SORBS2: variants seen among roughly 807,000 people sequenced by gnomAD.
SORBS2 encodes the protein sorbin and SH3 domain-containing protein 2.
Under a neutral mutation model 97.7 loss-of-function variants are expected in SORBS2, and 46 were observed. That is an observed-to-expected ratio of 0.47 (90% CI 0.37 to 0.60). The LOEUF (loss-of-function observed/expected upper bound fraction) is 0.60. SORBS2 is among the 20% of genes least tolerant of loss of function. The probability of loss-of-function intolerance (pLI) is 0.00; values close to 1 mark genes in which losing one functional copy is unlikely to be tolerated. For missense variants in SORBS2, 1,316 were observed against 1,282.3 expected, an observed-to-expected ratio of 1.03 and a Z score of -0.40; for synonymous variants, 476 against 473.4, an observed-to-expected ratio of 1.01 and a Z score of -0.07.
intron 2 of SORBS2, chr4:185,690,597 A>G: frequency 6.7e-7 from 1 of 1,495,080 alleles, no homozygotes; most frequent in Non-Finnish European, 9.1e-7. Flanking sequence ...TTTGTTATTA[A>G]AGTCTTCAGT....
intron 2 of SORBS2, among the ~76,000 whole-genome samples, chr4:185,730,076 C>T (rs1201654782): frequency 1.3e-5 from 2 of 152,126 alleles, no homozygotes. Context: ...CCTCAGCCTC[C>T]CGAGTAGCTG....
chr4:185,891,254 A>T (rs1469050251), intron 1 of SORBS2, among the ~76,000 whole-genome samples: 1 of 152,222 alleles, frequency 6.6e-6, no homozygotes. Context: ...CTTTGCAAAA[A>T]TAGTAACAGT....
At chr4:185,745,491 G>A (rs1185174125) in intron 2 of SORBS2, among the ~76,000 whole-genome samples, 3 of 152,146 alleles carry the variant, frequency 2.0e-5, no homozygotes, top group Non-Finnish European at 2.9e-5. Flanking sequence ...GCCACAGTGG[G>A]CTCCTTCCAA....
intron 2 of SORBS2, among the ~76,000 whole-genome samples, chr4:185,731,989 T>C (rs2098644280): frequency 6.7e-6 from 1 of 150,276 alleles, no homozygotes; most frequent in African/African-American, 2.5e-5. Context: ...AAAATTATTA[T>C]TGTAACTTGT....
At chr4:185,955,444 A>T (rs2099279090) in intron 1 of SORBS2, among the ~76,000 whole-genome samples, 1 of 152,208 alleles carries the variant, frequency 6.6e-6, no homozygotes, top group African/African-American at 2.4e-5. Context: ...CTTCTAACAG[A>T]TAATTGATGG....
intron 1 of SORBS2, among the ~76,000 whole-genome samples, chr4:185,859,205 C>T (rs1018224781): frequency 6.6e-6 from 1 of 152,116 alleles, no homozygotes; most frequent in African/African-American, 2.4e-5. Flanking sequence ...TTATTTCAGT[C>T]GGAAAACTTG....
intron 2 of SORBS2, chr4:185,773,554 C>T (rs1189312848): frequency 1.5e-5 from 2 of 132,428 alleles, no homozygotes; most frequent in African/African-American, 2.9e-5. Flanking sequence ...TTGCGTTTGT[C>T]CTTCTTAGCA....
chr4:185,874,866 T>TTTTTTTTTTTTTTTTGC lies in SORBS2; in HGVS notation c.-338+81329_-338+81330insGCAAAAAAAAAAAAAAA, dbSNP rs775209042. Among the ~76,000 whole-genome samples the TTTTTTTTTTTTTTTTGC allele has an allele frequency of 3.9e-4, 44 of 113,522 alleles. 1 individual carries two copies. The East Asian group carries it at 4.3e-3, about 11-fold the overall frequency. The allele number at this position is 113,522 out of a possible 152,430, so 74.5% of individuals were successfully genotyped here. A position where few individuals can be genotyped will look rare whatever the true frequency, so the allele number is the denominator to read the frequency against. ...GGTTTTACCTTACCCTGATTTTTTT[T>TTTTTTTTTTTTTTTTGC]TTTTTTGCATGCTACAGTATATTGT... On this transcript the variant is annotated intron_variant, in intron 1 of 20. Transcript: ENST00000284776.
chr4:185,930,454 C>T (rs187469864), intron 1 of SORBS2, among the ~76,000 whole-genome samples: 15 of 152,220 alleles, frequency 9.9e-5, no homozygotes, highest in African/African-American at 3.1e-4. Flanking sequence ...GCCACCACCA[C>T]GCCCGGCTAA....
chr4:185,667,170 A>G (rs1467166167), intron 4 of SORBS2, among the ~76,000 whole-genome samples: 1 of 152,110 alleles, frequency 6.6e-6, no homozygotes, highest in African/African-American at 2.4e-5. Context: ...CACTTTTTGG[A>G]GGGGATGTTT....
At chr4:185,948,029 C>CT (rs1231753562) in intron 1 of SORBS2, among the ~76,000 whole-genome samples, 1 of 152,140 alleles carries the variant, frequency 6.6e-6, no homozygotes, top group Non-Finnish European at 1.5e-5. Flanking sequence ...GAGGCCGGTT[C>CT]TTTTTTTAAT....
chr4:185,727,028 G>A (rs946869589), intron 2 of SORBS2, among the ~76,000 whole-genome samples: 8 of 152,152 alleles, frequency 5.3e-5, no homozygotes, highest in Admixed American at 6.5e-5. Context: ...AAAACCAAGC[G>A]AGTTTGGATT....
chr4:185,759,615 GT>G (rs35221294), intron 2 of SORBS2, among the ~76,000 whole-genome samples: 106,640 of 149,908 alleles, frequency 0.71, 38,016 homozygotes, highest in Middle Eastern at 0.77. Context: ...AATTGAAAGG[GT>G]TTTTTTTTTT....
chr4:185,652,841 A>T, intron 1 of SORBS2, 113 bp from the exon 10 acceptor site: 1 of 815,600 alleles, frequency 1.2e-6, no homozygotes, highest in Non-Finnish European at 2.1e-6. Flanking sequence ...ATTCTGTGAT[A>T]AAATGTTCTG....
chr4:185,684,620 C>A lies in SORBS2; in HGVS notation c.-197-5798G>T, dbSNP rs2097920418. On this transcript the variant is annotated intron_variant, in intron 2 of 20. Transcript: ENST00000284776. The surrounding 1 kb of genome is among the most constrained non-coding windows in gnomAD (Gnocchi z 4.2). ...TCAACCTATTTTTGGCAAGTGACTG[C>A]TGTTTTTAATTACACATTTAAAATG... 71 of 645,734 alleles carry A rather than the reference C, an allele frequency of 1.1e-4. 3 individuals are homozygous for A. The South Asian group carries it at 1.5e-3, about 14-fold the overall frequency. 40.0% of individuals were successfully genotyped at this position (645,734 alleles called of 1,614,324 possible).
intron 7 of SORBS2, among the ~76,000 whole-genome samples, chr4:185,621,712 T>C (rs1196166456): frequency 6.6e-6 from 1 of 152,106 alleles, no homozygotes; most frequent in Non-Finnish European, 1.5e-5. Flanking sequence ...AATCGAGCCA[T>C]ATTTGACACT....
chr4:185,813,449 T>A (rs1206364871), intron 1 of SORBS2, among the ~76,000 whole-genome samples: 1 of 152,214 alleles, frequency 6.6e-6, no homozygotes, highest in Non-Finnish European at 1.5e-5. Flanking sequence ...GGCGCTTTCC[T>A]GCTTGGGAGA....
chr4:185,913,092 A>G (rs1045605505), intron 1 of SORBS2, among the ~76,000 whole-genome samples: 1 of 152,200 alleles, frequency 6.6e-6, no homozygotes, highest in Non-Finnish European at 1.5e-5. Context: ...TTCCATCTGA[A>G]CGGCAGTTCA....
At chr4:185,633,278 G>A (rs1397686506) in intron 4 of SORBS2, among the ~76,000 whole-genome samples, 1 of 152,094 alleles carries the variant, frequency 6.6e-6, no homozygotes. Context: ...TACCAGAAAT[G>A]TTTAATAACA....
Sources: allele counts gnomAD v4.1 joint callset (sites outside exome capture counted in the v4.1 genomes callset), GRCh38; gene constraint gnomAD v4.1.1; non-coding constraint Gnocchi (gnomAD v3.1); transcripts MANE v1.5; gene names NCBI Gene and HGNC (gene_info 2026-07-23, HGNC 2026-07-21).